Variants in CLEC18A observed in about 807,000 individuals in gnomAD.
CLEC18A encodes mannose receptor-like 1.
In CLEC18A, 5 loss-of-function variants were observed where a neutral mutation model predicts 24.0. That is an observed-to-expected ratio of 0.21 (90% CI 0.11 to 0.44). The LOEUF (loss-of-function observed/expected upper bound fraction) is 0.44, where lower values mean the gene tolerates loss of function less well. CLEC18A is among the 20% of genes least tolerant of loss of function. The pLI is 0.99. For missense variants in CLEC18A, 83 were observed against 233.4 expected (o/e 0.36, Z 4.20); for synonymous variants, 29 against 100.1 (o/e 0.29, Z 4.24).
chr16:69,954,286 C>T, intron 2 of CLEC18A, 48 bp from the exon 3 acceptor site: 1 of 1,580,980 alleles, frequency 6.3e-7, no homozygotes, highest in Non-Finnish European at 8.6e-7. Context: ...TGAGGCCTGG[C>T]CCAGCAGTCA....
chr16:69,956,026 G>A lies in CLEC18A; in HGVS notation c.456+1453G>A, dbSNP rs1300980247. ...TTTGGGAGGCCAAGGTGGCAGGATT[G>A]CCTGAGCCCGGGAGTTCGAGATCAG... is the stretch of plus-strand genomic sequence containing the variant. On this transcript the variant is annotated intron_variant, in intron 3 of 11. Coordinates refer to ENST00000288040, the MANE Select transcript of CLEC18A (RefSeq NM_001370523.4). Among the ~76,000 whole-genome samples, 4 of 152,066 alleles carry A rather than the reference G, an allele frequency of 2.6e-5. No homozygotes were observed. In the East Asian group the frequency reaches 7.7e-4, roughly 29 times the overall value.
chr16:69,957,497 AGTTTCTAAACTATGTTATCTTCTCTATTT>A (rs2059053546), intron 3 of CLEC18A, among the ~76,000 whole-genome samples: 1 of 104,042 alleles, frequency 9.6e-6, no homozygotes, highest in Non-Finnish European at 1.8e-5. Context: ...TGTATCTTTA[AGTTTCTAAACTATGTTATCTTCTCTATTT>A]ACTTGTAAAT....
Position 69,962,988 on chromosome 16 carries a change from C to T in CLEC18A, c.1224C>T (p.Cys408=), listed in dbSNP as rs1390737449. The T allele has an allele frequency of 3.7e-5, 60 of 1,608,948 alleles. No homozygotes were observed. Among genetic ancestry groups the T allele is most frequent in the Non-Finnish European group, 4.8e-5 (56 of 1,177,478 alleles). ...CCATGGCCTGCAGGTTTGGCAACTG[C>T]GTGGAGCTGCAGGCTTCAGCTGCCT... ...GQPDNHGFGN[C]VELQASAAFN... Residue 408 remains cysteine, a synonymous_variant, in exon 11 of 12, where the codon TGC becomes TGT. Transcript: ENST00000288040.
At chr16:69,954,261 G>C in intron 2 of CLEC18A, 73 bp from the exon 3 acceptor site, 2 of 1,557,532 alleles carry the variant, frequency 1.3e-6, no homozygotes, top group Non-Finnish European at 1.8e-6. Flanking sequence ...AGAGATGGCA[G>C]GGGAGTTGAA....
intron 3 of CLEC18A, among the ~76,000 whole-genome samples, chr16:69,954,820 C>T (rs1211476234): frequency 6.6e-6 from 1 of 151,894 alleles, no homozygotes; most frequent in East Asian, 1.9e-4. Flanking sequence ...ACTTCAGCCT[C>T]CTGACTAGCT....
At chr16:69,946,430 C>A, upstream of CLEC18A, among the ~76,000 whole-genome samples, 1 of 122,802 alleles carries the variant, frequency 8.1e-6, no homozygotes, top group Non-Finnish European at 1.6e-5. Context: ...GAATGAGTCA[C>A]TCTGTCGCCT....
chr16:69,966,298 G>C (rs1959391288), downstream of CLEC18A, among the ~76,000 whole-genome samples: 1 of 149,184 alleles, frequency 6.7e-6, no homozygotes, highest in African/African-American at 2.5e-5. Flanking sequence ...CTTTGAACCA[G>C]AGCAACTCCA....
At chr16:69,964,268 CCCA>C (rs1037252884), downstream of CLEC18A, 5 of 146,560 alleles carry the variant, frequency 3.4e-5, no homozygotes, top group African/African-American at 1.2e-4. Flanking sequence ...GTGTGTTGCC[CCCA>C]CCGGCGGAGT....
rs561279426 is a variant in CLEC18A at position 69,954,462 on chromosome 16, G to A, written c.345G>A (p.Ala115=). The change falls in exon 3 of 12, where the codon GCG becomes GCA. Residue 115 remains alanine (A), a synonymous_variant. Coordinates refer to ENST00000288040, the MANE Select transcript of CLEC18A (RefSeq NM_001370523.4). ...QVGWNMQLLP[A]GLVSFVEVVS... ...GCTGGAACATGCAGCTGCTACCCGC[G>A]GGCTTGGTGTCCTTTGTCGAAGTGG... 8 of 1,599,722 alleles carry A rather than the reference G, an allele frequency of 5.0e-6. No individual in the cohort carries two copies. The highest frequency in any genetic ancestry group is 2.2e-5 in the East Asian group (1 of 44,786).
At chr16:69,964,653 C>G (rs1352138956), downstream of CLEC18A, among the ~76,000 whole-genome samples, 3 of 151,176 alleles carry the variant, frequency 2.0e-5, no homozygotes, top group African/African-American at 4.9e-5. Context: ...ACGCCCGCCA[C>G]CACGCCCGGC....
At chr16:69,946,388 A>T, upstream of CLEC18A, among the ~76,000 whole-genome samples, 1 of 112,486 alleles carries the variant, frequency 8.9e-6, no homozygotes, top group Non-Finnish European at 1.8e-5. Context: ...TTTTATGTGT[A>T]TGGATTTTTT....
At chr16:69,945,734 T>G (rs934621289), upstream of CLEC18A, among the ~76,000 whole-genome samples, 3 of 152,266 alleles carry the variant, frequency 2.0e-5, no homozygotes, top group African/African-American at 7.2e-5. Flanking sequence ...TGGGGAGAAT[T>G]ACCATCTATC....
At chr16:69,954,780 C>T (rs1489207366) in intron 3 of CLEC18A, among the ~76,000 whole-genome samples, 1 of 152,092 alleles carries the variant, frequency 6.6e-6, no homozygotes, top group African/African-American at 2.4e-5. Flanking sequence ...TCACTGCAAC[C>T]TCCGCCTCCT....
At chr16:69,944,716 G>A in the CLEC18A span, among the ~76,000 whole-genome samples, 5 of 139,510 alleles carry the variant, frequency 3.6e-5, no homozygotes, top group Non-Finnish European at 7.6e-5. Context: ...GGTGCCTGTA[G>A]TCCCGGCTAC....
At chr16:69,948,475 C>G (rs920327143), upstream of CLEC18A, among the ~76,000 whole-genome samples, 2 of 151,656 alleles carry the variant, frequency 1.3e-5, no homozygotes, top group African/African-American at 2.4e-5. Context: ...ATGACTCGAA[C>G]GCTATAACCT....
intron 3 of CLEC18A, 54 bp downstream of exon 3, chr16:69,954,627 C>T: frequency 6.2e-7 from 1 of 1,601,992 alleles, no homozygotes; most frequent in East Asian, 2.2e-5. Context: ...CAGACTTCCA[C>T]TGGGCCATCT....
chr16:69,954,506 A>C lies in CLEC18A; in HGVS notation c.389A>C (p.Glu130Ala). Residue 130 changes from glutamate to alanine, a missense_variant, in exon 3 of 12, where the codon GAG (glutamate) becomes GCG (alanine). By Grantham distance (107) the Glu-to-Ala change is moderately radical. This residue lies in a region of CLEC18A where 71 missense variants were observed against 107.4 expected (regional missense o/e 0.66). Transcript: ENST00000288040. ...FVEVVSLWFA[E>A]GQRYSHAAGE... ...GAAGTGGTCAGCCTATGGTTTGCAG[A>C]GGGGCAGCGGTACAGCCACGCGGCA... is the stretch of plus-strand genomic sequence containing the variant. The C allele has an allele frequency of 6.2e-7, 1 of 1,612,652 alleles. No homozygotes were observed. Among genetic ancestry groups the C allele is most frequent in the Non-Finnish European group, 8.5e-7 (1 of 1,179,246 alleles).
At chr16:69,945,265 G>T in the CLEC18A span, among the ~76,000 whole-genome samples, 1 of 147,838 alleles carries the variant, frequency 6.8e-6, no homozygotes, top group African/African-American at 2.7e-5. Flanking sequence ...TCCAGCCTGG[G>T]TGACAAAGTG....
chr16:69,964,660 C>T (rs1454656347), downstream of CLEC18A, among the ~76,000 whole-genome samples: 3 of 151,064 alleles, frequency 2.0e-5, no homozygotes, highest in Admixed American at 1.3e-4. Flanking sequence ...CCACCACGCC[C>T]GGCTAATTTG....
Sources: allele counts gnomAD v4.1 joint callset (sites outside exome capture counted in the v4.1 genomes callset), GRCh38; gene constraint gnomAD v4.1.1; regional missense constraint gnomAD v4.1.1; transcripts MANE v1.5; gene names NCBI Gene and HGNC (gene_info 2026-07-23, HGNC 2026-07-21).